TMEM225B: variants seen among roughly 807,000 people sequenced by gnomAD.
TMEM225B encodes the protein transmembrane protein 225-like.
TMEM225B carries 10 observed loss-of-function variants against 16.9 expected under a neutral mutation model. The observed-to-expected ratio is 0.59, with a 90% confidence interval of 0.36 to 1.00. The LOEUF is 1.00. Ranked by LOEUF, TMEM225B falls within the 50% of genes least tolerant of loss-of-function variation. The pLI, the probability that TMEM225B is intolerant of heterozygous loss-of-function variation, is 0.01. For missense variants in TMEM225B, 217 were observed against 267.0 expected (o/e 0.81, Z 1.30); for synonymous variants, 92 against 109.8 (o/e 0.84, Z 1.01).
chr7:99,600,698 A>G (rs988516141), intron 2 of TMEM225B, among the ~76,000 whole-genome samples: 1 of 152,146 alleles, frequency 6.6e-6, no homozygotes, highest in South Asian at 2.1e-4. Flanking sequence ...CCGTGATTCA[A>G]TTATCTCCAC....
At chr7:99,603,073 G>A (rs1173933946) in intron 2 of TMEM225B, among the ~76,000 whole-genome samples, 1 of 152,140 alleles carries the variant, frequency 6.6e-6, no homozygotes, top group Non-Finnish European at 1.5e-5. Context: ...ATGGGTTTGG[G>A]GGAGGAACTC....
intron 4 of TMEM225B, 46 bp from the exon 5 acceptor site, chr7:99,607,627 G>A (rs1268938939): frequency 4.0e-6 from 6 of 1,504,344 alleles, no homozygotes; most frequent in South Asian, 3.8e-5. Context: ...GAGGGAAGGC[G>A]GGTAGCATGG....
chr7:99,604,280 G>A (rs979090951), intron 2 of TMEM225B, 106 bp from the exon 3 acceptor site: 14 of 713,780 alleles, frequency 2.0e-5, no homozygotes, highest in African/African-American at 7.1e-5. Context: ...TCACATATGC[G>A]CCACACACAG....
At position 99,600,243 on chromosome 7, in the gene TMEM225B, T is replaced by C. The variant is rs1479916161; in HGVS notation, c.-46T>C. 1 of 702,998 alleles carries C rather than the reference T, an allele frequency of 1.4e-6. No homozygotes were observed. Among genetic ancestry groups the C allele is most frequent in the Non-Finnish European group, 2.6e-6 (1 of 384,996 alleles). 43.5% of individuals were successfully genotyped at this position (702,998 alleles called of 1,614,324 possible). On this transcript the variant is annotated 5_prime_UTR_variant, in exon 2 of 6. Coordinates refer to ENST00000431679, the MANE Select transcript of TMEM225B (RefSeq NM_001195541.3). ...CTCTGAGTTCCTGCCTTTTTTCATC[T>C]CTGAATCCCCACCATTGGCCTACAT...
chr7:99,607,569 G>A (rs1411606387), intron 4 of TMEM225B, 104 bp from the exon 5 acceptor site: 4 of 1,167,264 alleles, frequency 3.4e-6, no homozygotes, highest in South Asian at 1.6e-5. Context: ...CAGAGAGGGG[G>A]CAAGGATGAA....
rs1386401825 is a variant in TMEM225B, at chr7:99,610,905, T to C, written c.*340T>C. On this transcript the variant is annotated 3_prime_UTR_variant, in exon 6 of 6. Transcript: ENST00000431679. ...CAAGATAACCAAGTGAAATGGGATT[T>C]TGTGAAACAGAAACCGTACAGAATA... 4.6e-6 allele frequency: 1 copy of C among 215,432 alleles called. No homozygotes were observed. Among genetic ancestry groups the C allele is most frequent in the Non-Finnish European group, 9.5e-6 (1 of 105,520 alleles). The allele number at this position is 215,432 out of a possible 1,614,324, so 13.3% of individuals were successfully genotyped here. A position where few individuals can be genotyped will look rare whatever the true frequency, so the allele number is the denominator to read the frequency against.
At chr7:99,607,601 CAG>C in intron 4 of TMEM225B, 70 bp from the exon 5 acceptor site, 3 of 1,445,902 alleles carry the variant, frequency 2.1e-6, no homozygotes, top group African/African-American at 2.9e-5. Context: ...GCAGGAGCCA[CAG>C]GGGGTGAAGT....
rs201479821 is a variant in TMEM225B, at chr7:99,609,741, C to CT, written c.494-644dup. ...GAGCCACCGCGCCCGGCCACTTGTT[C>CT]TTTTTTTTAAAGGGACAAGGTCTTG... On this transcript the variant is annotated intron_variant, in intron 5 of 5. Coordinates refer to ENST00000431679, the MANE Select transcript of TMEM225B (RefSeq NM_001195541.3). 5.4e-3 allele frequency among the ~76,000 whole-genome samples: 825 copies of CT among 151,708 alleles called. 7 individuals are homozygous for CT. Among genetic ancestry groups the CT allele is most frequent in the African/African-American group, 0.019 (797 of 41,336 alleles).
intron 3 of TMEM225B, 73 bp from the exon 4 acceptor site, chr7:99,606,675 C>T: frequency 6.9e-7 from 1 of 1,445,832 alleles, no homozygotes; most frequent in Non-Finnish European, 9.3e-7. Flanking sequence ...CCAGCCCTGC[C>T]CAGGCTCTGA....
chr7:99,598,413 G>C (rs938962795), intron 1 of TMEM225B, 32 bp downstream of exon 1: 7 of 152,538 alleles, frequency 4.6e-5, no homozygotes, highest in East Asian at 1.9e-4. Flanking sequence ...AGACCAGTAT[G>C]GGGGAGAGCA....
At chr7:99,598,915 A>G (rs960229836) in intron 1 of TMEM225B, among the ~76,000 whole-genome samples, 1 of 152,170 alleles carries the variant, frequency 6.6e-6, no homozygotes, top group African/African-American at 2.4e-5. Context: ...TCCAGGCACC[A>G]CCACGGGGTA....
Position 99,610,801 on chromosome 7 carries a change from C to A in TMEM225B, c.*236C>A. On this transcript the variant is annotated 3_prime_UTR_variant, in exon 6 of 6. Transcript: ENST00000431679. ...TAAGTGACGTTTTTGCAGGTATTTT[C>A]AATAAAAAGAAGGGCTACTTTGTTC... 1 of 408,038 alleles carries A rather than the reference C, an allele frequency of 2.5e-6. No homozygotes were observed. The highest frequency in any genetic ancestry group is 4.4e-6 in the Non-Finnish European group (1 of 225,318). The allele number at this position is 408,038 out of a possible 1,614,324, so 25.3% of individuals were successfully genotyped here.
intron 2 of TMEM225B, 130 bp downstream of exon 2, chr7:99,600,415 CA>C (rs1805261347): frequency 1.5e-6 from 1 of 648,958 alleles, no homozygotes. Flanking sequence ...CCCCCGCCCC[CA>C]GGAAGGAACC....
In TMEM225B at chr7:99,598,326, C is replaced by G. The variant is rs1228244568; in HGVS notation, c.-140C>G. On this transcript the variant is annotated 5_prime_UTR_variant, in exon 1 of 6. Coordinates refer to ENST00000431679, the MANE Select transcript of TMEM225B (RefSeq NM_001195541.3). ...TGGAGGGCGAGGGTCCCACCGTGAC[C>G]CGCCTGGAGGGCAGCCCAGCTCTGG... is the stretch of plus-strand genomic sequence containing the variant. 1 of 152,402 alleles carries G rather than the reference C, an allele frequency of 6.6e-6. No individual in the cohort carries two copies. Among genetic ancestry groups the G allele is most frequent in the Non-Finnish European group, 1.5e-5 (1 of 68,186 alleles). The allele number at this position is 152,402 out of a possible 1,614,324, so 9.4% of individuals were successfully genotyped here. A position where few individuals can be genotyped will look rare whatever the true frequency, so the allele number is the denominator to read the frequency against.
chr7:99,600,130 G>C, intron 1 of TMEM225B, 75 bp from the exon 2 acceptor site: 1 of 696,108 alleles, frequency 1.4e-6, no homozygotes, highest in Non-Finnish European at 2.6e-6. Flanking sequence ...GGGTATACCT[G>C]GCCCCAAAGT....
At chr7:99,600,765 G>A (rs977218225) in intron 2 of TMEM225B, among the ~76,000 whole-genome samples, 3 of 152,168 alleles carry the variant, frequency 2.0e-5, no homozygotes, top group Non-Finnish European at 4.4e-5. Context: ...ATTTGGGTGG[G>A]GACACAGCCA....
intron 2 of TMEM225B, among the ~76,000 whole-genome samples, chr7:99,602,661 C>A (rs910508291): frequency 6.6e-6 from 1 of 152,146 alleles, no homozygotes; most frequent in East Asian, 1.9e-4. Flanking sequence ...CAAGACCAGC[C>A]AGCACTTACC....
In TMEM225B at chr7:99,610,395, A is replaced by G. The variant is rs1806246546; in HGVS notation, c.496A>G (p.Thr166Ala). Residue 166 changes from threonine (T) to alanine (A), a missense_variant and splice_region_variant, in exon 6 of 6, where the codon ACC (threonine) becomes GCC (alanine). Coordinates refer to ENST00000431679, the MANE Select transcript of TMEM225B (RefSeq NM_001195541.3). ...FGIFLFIVAG[T>A]ICLIQEMVCP... ...CCCAAACGTTGGCTGTTCCCTAGGT[A>G]CCATCTGCCTCATTCAAGAAATGGT... The G allele has an allele frequency of 6.5e-7, 1 of 1,535,096 alleles. No homozygotes were observed. Among genetic ancestry groups the G allele is most frequent in the South Asian group, 1.2e-5 (1 of 84,004 alleles).
chr7:99,601,852 G>A lies in TMEM225B; in HGVS notation c.-4+1567G>A, dbSNP rs535696371. Among the ~76,000 whole-genome samples, 183 of 152,264 alleles carry A rather than the reference G, an allele frequency of 1.2e-3. 2 individuals are homozygous for A. The South Asian group carries it at 0.031, about 25-fold the overall frequency. ...AGCAAGTGTCTGCATGGGCAAAGAC[G>A]CCCCCTTCCCTGGCTGCAGTGAGGG... On this transcript the variant is annotated intron_variant, in intron 2 of 5. Coordinates refer to ENST00000431679, the MANE Select transcript of TMEM225B (RefSeq NM_001195541.3).
Sources: allele counts gnomAD v4.1 joint callset (sites outside exome capture counted in the v4.1 genomes callset), GRCh38; gene constraint gnomAD v4.1.1; transcripts MANE v1.5; gene names NCBI Gene and HGNC (gene_info 2026-07-23, HGNC 2026-07-21).